Variants in SGPP2 observed in about 807,000 individuals in gnomAD.
SGPP2 encodes the protein sphingosine 1-phosphate phosphohydrolase 2.
SGPP2 carries 30 observed loss-of-function variants against 33.9 expected under a neutral mutation model. The observed-to-expected ratio is 0.89, with a 90% confidence interval of 0.66 to 1.20. The LOEUF is 1.20. Among genes scored for constraint, SGPP2 ranks in the 50% most tolerant of loss-of-function variants. The pLI is 0.00. For missense variants in SGPP2, 458 were observed against 532.1 expected (o/e 0.86, Z 1.37); for synonymous variants, 233 against 225.0 (o/e 1.04, Z -0.32).
At chr2:222,424,928 C>T in intron 1 of SGPP2, 107 bp downstream of exon 1, 1 of 928,130 alleles carries the variant, frequency 1.1e-6, no homozygotes, top group Non-Finnish European at 1.4e-6. Flanking sequence ...GGGCGCCGTC[C>T]CCGGCAGTGA....
At chr2:222,459,871 A>G (rs141896064) in intron 1 of SGPP2, among the ~76,000 whole-genome samples, 56 of 152,302 alleles carry the variant, frequency 3.7e-4, no homozygotes, top group Admixed American at 1.3e-3. Flanking sequence ...CTGCAAAACT[A>G]TGTTCCTCTG....
At chr2:222,493,051 C>G (rs1183160493) in intron 2 of SGPP2, among the ~76,000 whole-genome samples, 1 of 152,218 alleles carries the variant, frequency 6.6e-6, no homozygotes, top group Non-Finnish European at 1.5e-5. Context: ...TCTGAGCCCT[C>G]CAAACTGTTC....
At position 222,460,099 on chromosome 2, in the gene SGPP2, G is replaced by A. The variant is rs1334743610; in HGVS notation, c.220-14469G>A. 6.6e-6 allele frequency among the ~76,000 whole-genome samples: 1 copy of A among 152,194 alleles called. No individual in the cohort carries two copies. The highest frequency in any genetic ancestry group is 1.5e-5 in the Non-Finnish European group (1 of 68,034). On this transcript the variant is annotated intron_variant, in intron 1 of 4. Coordinates refer to ENST00000321276, the MANE Select transcript of SGPP2 (RefSeq NM_152386.4). The surrounding 1 kb of genome is among the most constrained non-coding windows in gnomAD (Gnocchi z 4.3). ...GGCTCAGTCAAAACCCAGGGCCTCC[G>A]GGTTTGCTCGGGGTGGGCATTGCAC...
At chr2:222,494,320 C>T (rs995545502) in intron 2 of SGPP2, among the ~76,000 whole-genome samples, 18 of 152,290 alleles carry the variant, frequency 1.2e-4, no homozygotes, top group Non-Finnish European at 2.2e-4. Context: ...GTTGTAATTT[C>T]GTCTTTTGAC....
chr2:222,452,979 A>T (rs1478385913), intron 1 of SGPP2: 4 of 1,586,870 alleles, frequency 2.5e-6, no homozygotes, highest in Non-Finnish European at 3.5e-6. Flanking sequence ...ATCATTGAGT[A>T]CACACAGCTG....
intron 1 of SGPP2, among the ~76,000 whole-genome samples, chr2:222,472,784 G>A (rs1234280968): frequency 1.3e-5 from 2 of 152,192 alleles, no homozygotes. Flanking sequence ...AAAGGCCAAG[G>A]CAGGCAGATT....
intron 1 of SGPP2, among the ~76,000 whole-genome samples, chr2:222,462,981 C>T (rs16863713): frequency 0.042 from 6,387 of 152,168 alleles, 416 homozygotes; most frequent in African/African-American, 0.14. Flanking sequence ...AAAGCTTTTC[C>T]TGAGTTTATT....
chr2:222,432,085 A>G (rs1300128429), intron 1 of SGPP2, among the ~76,000 whole-genome samples: 1 of 152,222 alleles, frequency 6.6e-6, no homozygotes, highest in Non-Finnish European at 1.5e-5. Context: ...AGACAAGAAG[A>G]TAGCAGTCAA....
intron 1 of SGPP2, among the ~76,000 whole-genome samples, chr2:222,437,349 G>A (rs1697257287): frequency 6.6e-6 from 1 of 152,216 alleles, no homozygotes; most frequent in Admixed American, 6.5e-5. Context: ...TCCCCGCTGG[G>A]AAGATTTCCC....
chr2:222,424,351 C>T (rs1697024063), upstream of SGPP2, among the ~76,000 whole-genome samples: 1 of 152,088 alleles, frequency 6.6e-6, no homozygotes, highest in Non-Finnish European at 1.5e-5. Flanking sequence ...GCGGTCCTGC[C>T]CCCGTGGCCG....
chr2:222,495,611 C>T (rs914173494), intron 2 of SGPP2, among the ~76,000 whole-genome samples: 2 of 152,202 alleles, frequency 1.3e-5, no homozygotes, highest in Admixed American at 1.3e-4. Flanking sequence ...GATAATCCTC[C>T]CACTCTTTTT....
intron 4 of SGPP2, among the ~76,000 whole-genome samples, chr2:222,535,341 G>T (rs1698897154): frequency 7.8e-6 from 1 of 128,810 alleles, no homozygotes; most frequent in African/African-American, 3.0e-5. Flanking sequence ...TCATGCCATT[G>T]TACTCCAGCC....
intron 4 of SGPP2, 76 bp downstream of exon 4, chr2:222,525,109 CTACTTATTTA>C (rs1484325974): frequency 1.0e-6 from 1 of 989,546 alleles, no homozygotes; most frequent in African/African-American, 1.6e-5. Flanking sequence ...GTTTCTCATA[CTACTTATTTA>C]TAAAATTATT....
intron 1 of SGPP2, among the ~76,000 whole-genome samples, chr2:222,441,256 A>G (rs1697321398): frequency 6.6e-6 from 1 of 152,230 alleles, no homozygotes; most frequent in Non-Finnish European, 1.5e-5. Context: ...ACGTGGTAGA[A>G]CCATTACATT....
intron 1 of SGPP2, among the ~76,000 whole-genome samples, chr2:222,466,807 C>A (rs1420776671): frequency 3.3e-5 from 5 of 152,128 alleles, no homozygotes; most frequent in African/African-American, 1.2e-4. Context: ...GCAAGAAGTG[C>A]AGTAGCATAT....
At chr2:222,520,366 A>G (rs1001778591) in intron 2 of SGPP2, among the ~76,000 whole-genome samples, 2 of 151,764 alleles carry the variant, frequency 1.3e-5, no homozygotes, top group African/African-American at 2.4e-5. Flanking sequence ...TCTGATTTCT[A>G]TCTTCTGCTT....
chr2:222,538,016 A>G (rs1346946295), intron 4 of SGPP2, among the ~76,000 whole-genome samples: 1 of 152,228 alleles, frequency 6.6e-6, no homozygotes, highest in African/African-American at 2.4e-5. Context: ...GAACTGTTGC[A>G]TGCAACATGT....
intron 2 of SGPP2, among the ~76,000 whole-genome samples, chr2:222,501,143 G>A (rs1463655323): frequency 6.6e-6 from 1 of 152,118 alleles, no homozygotes; most frequent in East Asian, 1.9e-4. Context: ...AAGTGCACAA[G>A]TGTGTTAGGG....
intron 2 of SGPP2, among the ~76,000 whole-genome samples, chr2:222,497,180 C>G (rs1424142766): frequency 6.6e-6 from 1 of 151,398 alleles, no homozygotes; most frequent in Non-Finnish European, 1.5e-5. Flanking sequence ...CATTCCTGAA[C>G]TGCTCAGGAG....
Sources: gnomAD v4.1 joint callset for allele counts (sites outside exome capture counted in the v4.1 genomes callset) on GRCh38, gnomAD v4.1.1 for gene constraint, Gnocchi (gnomAD v3.1) non-coding constraint, MANE v1.5 for transcripts, NCBI Gene and HGNC (gene_info 2026-07-23, HGNC 2026-07-21) for gene names.